The following MYO16 variants were observed in gnomAD, a reference collection of about 807,000 sequenced individuals.
The protein encoded by MYO16 is myosin XVI, also known as unconventional myosin-XVI.
A neutral mutation model predicts 205.3 loss-of-function variants in MYO16; 94 were observed. The ratio of observed to expected loss-of-function variants is 0.46; its 90% CI spans 0.39 to 0.54. The LOEUF (loss-of-function observed/expected upper bound fraction) is 0.54, where lower values mean the gene tolerates loss of function less well. Among genes scored for constraint, MYO16 ranks in the 20% least tolerant of loss-of-function variants. The pLI, the probability that MYO16 is intolerant of heterozygous loss-of-function variation, is 0.00. For synonymous variants in MYO16, 988 were observed against 954.0 expected, an observed-to-expected ratio of 1.04 and a Z score of -0.66; for missense variants, 2,315 against 2,387.5, an observed-to-expected ratio of 0.97 and a Z score of 0.63.
chr13:109,032,582 G>A (rs9587760), intron 23 of MYO16, among the ~76,000 whole-genome samples: 2,576 of 152,264 alleles, frequency 0.017, 77 homozygotes, highest in African/African-American at 0.059. Flanking sequence ...TAAAGCAATC[G>A]CTATTGTGTA....
chr13:109,090,194 C>G (rs36085160), intron 27 of MYO16, among the ~76,000 whole-genome samples: 51,647 of 152,154 alleles, frequency 0.34, 8,891 homozygotes, highest in East Asian at 0.42. Context: ...AGACTTCTTC[C>G]TCCCTTAGCA....
chr13:108,948,813 A>T (rs1883034789), intron 16 of MYO16, among the ~76,000 whole-genome samples: 1 of 152,204 alleles, frequency 6.6e-6, no homozygotes, highest in Admixed American at 6.5e-5. Flanking sequence ...TTCTCAGGTG[A>T]CACAAGAAAC....
chr13:108,899,254 T>C (rs1380149470), intron 15 of MYO16, among the ~76,000 whole-genome samples: 1 of 151,902 alleles, frequency 6.6e-6, no homozygotes, highest in Non-Finnish European at 1.5e-5. Context: ...AGAAACCCCG[T>C]CTCTACTAAA....
chr13:108,530,160 C>T, the MYO16 span, among the ~76,000 whole-genome samples: 3 of 152,182 alleles, frequency 2.0e-5, no homozygotes, highest in African/African-American at 7.2e-5. Flanking sequence ...CTGCTACTTC[C>T]AAGTCACTTC....
chr13:108,499,660 G>C, the MYO16 span, among the ~76,000 whole-genome samples: 1 of 152,124 alleles, frequency 6.6e-6, no homozygotes, highest in Non-Finnish European at 1.5e-5. Flanking sequence ...GGAAGTTTAG[G>C]TTTACACTCT....
chr13:109,139,851 A>G (rs1404249507), intron 31 of MYO16, among the ~76,000 whole-genome samples: 2 of 152,026 alleles, frequency 1.3e-5, no homozygotes, highest in Non-Finnish European at 2.9e-5. Flanking sequence ...TTTAACCACC[A>G]GAGCCGGGTG....
intron 31 of MYO16, among the ~76,000 whole-genome samples, chr13:109,131,516 C>G (rs968069019): frequency 1.8e-4 from 27 of 152,124 alleles, no homozygotes; most frequent in African/African-American, 6.3e-4. Flanking sequence ...TACCAGCAAG[C>G]TAGAGACAAC....
intron 3 of MYO16, among the ~76,000 whole-genome samples, chr13:108,727,054 AG>A (rs1272782095): frequency 6.6e-6 from 1 of 151,404 alleles, no homozygotes; most frequent in African/African-American, 2.4e-5. Context: ...ACAGTGACAA[AG>A]GATGCATGTT....
At chr13:109,059,134 C>T (rs1594509892) in intron 27 of MYO16, among the ~76,000 whole-genome samples, 1 of 152,280 alleles carries the variant, frequency 6.6e-6, no homozygotes, top group African/African-American at 2.4e-5. Flanking sequence ...CAAAGTCATT[C>T]ATGAAGATGG....
chr13:109,196,444 G>T (rs935334849), intron 34 of MYO16, among the ~76,000 whole-genome samples: 1 of 152,136 alleles, frequency 6.6e-6, no homozygotes, highest in Non-Finnish European at 1.5e-5. Context: ...AGGGAAATGG[G>T]TCTGGACCAT....
intron 20 of MYO16, among the ~76,000 whole-genome samples, chr13:108,967,153 A>ATGTGTGTGTGTGTGTGTGTG: frequency 6.6e-6 from 1 of 150,848 alleles, no homozygotes; most frequent in East Asian, 1.9e-4. Context: ...CTGACTATAT[A>ATGTGTGTGTGTGTGTGTGTG]TATGTGTGTG....
intron 1 of MYO16, among the ~76,000 whole-genome samples, chr13:108,652,607 T>TAAA (rs1354974023): frequency 2.0e-5 from 3 of 152,230 alleles, no homozygotes; most frequent in Non-Finnish European, 4.4e-5. Context: ...TTTCTGCTTC[T>TAAA]GAGTTTGACC....
At chr13:109,022,613 A>T (rs1384962776) in intron 23 of MYO16, among the ~76,000 whole-genome samples, 2 of 132,948 alleles carry the variant, frequency 1.5e-5, no homozygotes, top group Non-Finnish European at 3.1e-5. Context: ...TACGCATATA[A>T]ACATATGTAT....
intron 2 of MYO16, among the ~76,000 whole-genome samples, chr13:108,693,397 A>G (rs575374880): frequency 6.6e-6 from 1 of 151,866 alleles, no homozygotes; most frequent in Admixed American, 6.6e-5. Context: ...TCATCTCCCC[A>G]CTTCCTCTAG....
intron 10 of MYO16, among the ~76,000 whole-genome samples, chr13:108,851,011 A>T (rs970515763): frequency 2.0e-5 from 3 of 152,206 alleles, no homozygotes; most frequent in Non-Finnish European, 2.9e-5. Flanking sequence ...TGTTTTTGCT[A>T]AATGTGCACA....
At chr13:108,671,691 A>G (rs1031408829) in intron 2 of MYO16, among the ~76,000 whole-genome samples, 5 of 152,222 alleles carry the variant, frequency 3.3e-5, no homozygotes, top group Admixed American at 2.6e-4. Flanking sequence ...ATCACAGACT[A>G]AACGGCTTAC....
At chr13:108,502,041 G>A in the MYO16 span, among the ~76,000 whole-genome samples, 3 of 151,994 alleles carry the variant, frequency 2.0e-5, no homozygotes, top group Non-Finnish European at 2.9e-5. Flanking sequence ...GTGAAACCCC[G>A]TCTCTACTAA....
chr13:108,830,954 A>T (rs1248052751), intron 9 of MYO16, among the ~76,000 whole-genome samples: 1 of 152,112 alleles, frequency 6.6e-6, no homozygotes. Flanking sequence ...ATATCTTTAC[A>T]TCTGTTTCTG....
intron 4 of MYO16, among the ~76,000 whole-genome samples, chr13:108,784,014 A>G (rs1036948637): frequency 9.2e-5 from 14 of 152,174 alleles, no homozygotes; most frequent in Admixed American, 2.0e-4. Context: ...TGGCCTTCCC[A>G]TGTTATGGCT....
Sources: allele counts gnomAD v4.1 joint callset (sites outside exome capture counted in the v4.1 genomes callset), GRCh38; gene constraint gnomAD v4.1.1; transcripts MANE v1.5; gene names NCBI Gene and HGNC (gene_info 2026-07-23, HGNC 2026-07-21).